Variants in JMJD1C observed in about 807,000 individuals in gnomAD.
JMJD1C encodes the protein jumonji domain-containing protein 1C.
Under a neutral mutation model 245.3 loss-of-function variants are expected in JMJD1C, and 31 were observed. The ratio of observed to expected loss-of-function variants is 0.13; its 90% CI spans 0.09 to 0.17. The LOEUF is 0.17. Ranked by LOEUF, JMJD1C falls within the 10% of genes least tolerant of loss-of-function variation. The probability of loss-of-function intolerance (pLI) is 1.00; values close to 1 mark genes in which losing one functional copy is unlikely to be tolerated. For missense variants in JMJD1C, 2,691 were observed against 3,000.2 expected (o/e 0.90, Z 2.41); for synonymous variants, 1,057 against 1,017.4 (o/e 1.04, Z -0.74).
chr10:63,292,489 T>C (rs1385878249), intron 2 of JMJD1C, among the ~76,000 whole-genome samples: 1 of 151,782 alleles, frequency 6.6e-6, no homozygotes, highest in South Asian at 2.1e-4. Flanking sequence ...TGCATGCCTA[T>C]AGTCCTAGCT....
chr10:63,331,507 G>T (rs765981323), intron 2 of JMJD1C, among the ~76,000 whole-genome samples: 20 of 152,070 alleles, frequency 1.3e-4, no homozygotes, highest in Non-Finnish European at 2.4e-4. Context: ...ATACATTTCA[G>T]GGAAGTCCAC....
chr10:63,429,274 C>G (rs1003560663), intron 1 of JMJD1C, among the ~76,000 whole-genome samples: 2 of 152,056 alleles, frequency 1.3e-5, no homozygotes, highest in Non-Finnish European at 2.9e-5. Context: ...CTACCGAGCC[C>G]AGCCTGACAG....
chr10:63,323,863 C>A (rs1315079382), intron 2 of JMJD1C, among the ~76,000 whole-genome samples: 1 of 151,998 alleles, frequency 6.6e-6, no homozygotes, highest in East Asian at 1.9e-4. Flanking sequence ...CTCATTATCT[C>A]ATATGATTAT....
chr10:63,305,067 A>G (rs928917798), intron 2 of JMJD1C, among the ~76,000 whole-genome samples: 1 of 152,088 alleles, frequency 6.6e-6, no homozygotes, highest in African/African-American at 2.4e-5. Flanking sequence ...TGAGCCCAGG[A>G]GTTAAAAGTT....
Position 63,268,509 on chromosome 10 carries a change from T to C in JMJD1C, c.334-3745A>G, listed in dbSNP as rs140541045. On this transcript the variant is annotated intron_variant, in intron 2 of 25. Coordinates refer to ENST00000399262, the MANE Select transcript of JMJD1C (RefSeq NM_032776.3). ...AAATTACTACAAACACAATAAACCT[T>C]TTTAAACAAATGAAAGTTAAAAATT... Among the ~76,000 whole-genome samples, 413 of 152,320 alleles carry C rather than the reference T, an allele frequency of 2.7e-3. 6 individuals carry two copies. Among genetic ancestry groups the C allele is most frequent in the African/African-American group, 9.7e-3 (403 of 41,580 alleles).
intron 10 of JMJD1C, among the ~76,000 whole-genome samples, chr10:63,205,449 C>T (rs1846488836): frequency 6.6e-6 from 1 of 152,132 alleles, no homozygotes; most frequent in Admixed American, 6.5e-5. Flanking sequence ...AAAAAATATT[C>T]TACAAAGTTC....
At position 63,233,105 on chromosome 10, in the gene JMJD1C, C is replaced by T. The variant is rs148459515; in HGVS notation, c.448-13122G>A. 3.2e-3 allele frequency among the ~76,000 whole-genome samples: 491 copies of T among 152,246 alleles called. 3 individuals are homozygous for T. Among genetic ancestry groups the T allele is most frequent in the African/African-American group, 0.011 (476 of 41,558 alleles). ...TAGAAAAGTGACTCTGACCTGAAGG[C>T]TTTCACAAAAATTATCAATACAAAA... On this transcript the variant is annotated intron_variant, in intron 3 of 25. Coordinates refer to ENST00000399262, the MANE Select transcript of JMJD1C (RefSeq NM_032776.3).
intron 2 of JMJD1C, among the ~76,000 whole-genome samples, chr10:63,294,266 T>A (rs1210707905): frequency 1.3e-5 from 2 of 151,874 alleles, no homozygotes; most frequent in Non-Finnish European, 2.9e-5. Context: ...TTTCCCTTTA[T>A]CTGTTCAGTT....
intron 2 of JMJD1C, among the ~76,000 whole-genome samples, chr10:63,369,778 T>G (rs140868230): frequency 1.3e-3 from 205 of 152,324 alleles, no homozygotes; most frequent in Admixed American, 7.2e-3. Flanking sequence ...GGCTTCCACC[T>G]TGGCAACTGA....
intron 1 of JMJD1C, among the ~76,000 whole-genome samples, chr10:63,387,553 T>C (rs1322194683): frequency 1.4e-5 from 1 of 73,802 alleles, no homozygotes; most frequent in Non-Finnish European, 3.9e-5. Context: ...ACAGACTAGA[T>C]CAAATAGAAG....
intron 1 of JMJD1C, among the ~76,000 whole-genome samples, chr10:63,398,553 A>G (rs571408895): frequency 1.1e-4 from 16 of 152,314 alleles, no homozygotes; most frequent in African/African-American, 3.6e-4. Context: ...AACAGCAGCC[A>G]ATGATAATTG....
chr10:63,287,957 G>C (rs1341600375), intron 2 of JMJD1C, among the ~76,000 whole-genome samples: 1 of 152,120 alleles, frequency 6.6e-6, no homozygotes, highest in Non-Finnish European at 1.5e-5. Flanking sequence ...ATGTTGACCA[G>C]GCTGGCCTCA....
chr10:63,418,296 T>C (rs915231529), intron 1 of JMJD1C, among the ~76,000 whole-genome samples: 3 of 152,180 alleles, frequency 2.0e-5, no homozygotes, highest in Non-Finnish European at 4.4e-5. Flanking sequence ...AAAATTACCA[T>C]ACTATAGAAT....
intron 1 of JMJD1C, among the ~76,000 whole-genome samples, chr10:63,393,738 T>C (rs1024540964): frequency 6.6e-6 from 1 of 152,160 alleles, no homozygotes; most frequent in Admixed American, 6.5e-5. Flanking sequence ...GATGAATAAA[T>C]GGAGAAATGT....
chr10:63,221,711 C>A (rs1848616160), intron 3 of JMJD1C, among the ~76,000 whole-genome samples: 1 of 152,078 alleles, frequency 6.6e-6, no homozygotes, highest in Non-Finnish European at 1.5e-5. Flanking sequence ...ACAAACAGAA[C>A]ATAGGAAACT....
chr10:63,481,964 C>T (rs117608109), intron 1 of JMJD1C, among the ~76,000 whole-genome samples: 18 of 152,266 alleles, frequency 1.2e-4, no homozygotes, highest in Non-Finnish European at 7.4e-5. Context: ...AGATGTATGA[C>T]GAACTCACTG....
At chr10:63,371,545 G>A (rs1248373412) in intron 2 of JMJD1C, among the ~76,000 whole-genome samples, 6 of 152,112 alleles carry the variant, frequency 3.9e-5, no homozygotes, top group African/African-American at 1.4e-4. Flanking sequence ...TCCCACCACA[G>A]TGTCTAATTC....
chr10:63,274,564 C>CA (rs964046227), intron 2 of JMJD1C, among the ~76,000 whole-genome samples: 1,365 of 135,842 alleles, frequency 0.01, 7 homozygotes, highest in South Asian at 0.015. Context: ...GACTCAGTCT[C>CA]AAAAAAAAAA....
intron 2 of JMJD1C, among the ~76,000 whole-genome samples, chr10:63,357,405 A>G (rs540225154): frequency 4.1e-4 from 62 of 152,256 alleles, no homozygotes; most frequent in African/African-American, 1.4e-3. Flanking sequence ...TCCCAGGTTC[A>G]AGCGATTCTC....
Sources: gnomAD v4.1 joint callset for allele counts (sites outside exome capture counted in the v4.1 genomes callset) on GRCh38, gnomAD v4.1.1 for gene constraint, MANE v1.5 for transcripts, NCBI Gene and HGNC (gene_info 2026-07-23, HGNC 2026-07-21) for gene names.